GLIS3: variants seen among roughly 807,000 people sequenced by gnomAD.
GLIS3 encodes the protein zinc finger protein GLIS3.
Under a neutral mutation model 78.6 loss-of-function variants are expected in GLIS3, and 53 were observed. The ratio of observed to expected loss-of-function variants is 0.67; its 90% confidence interval spans 0.54 to 0.85. The LOEUF (loss-of-function observed/expected upper bound fraction) is 0.85. GLIS3 is among the 40% of genes least tolerant of loss of function. GLIS3 has a pLI of 0.00. For synonymous variants in GLIS3, 684 were observed against 509.9 expected (o/e 1.34, Z -4.60); for missense variants, 1,703 against 1,231.1 (o/e 1.38, Z -5.74).
intron 1 of GLIS3, among the ~76,000 whole-genome samples, chr9:4,290,042 A>ACT: frequency 6.6e-6 from 1 of 152,280 alleles, no homozygotes; most frequent in Admixed American, 6.5e-5. Context: ...AAGATTAAAC[A>ACT]AACGAAAAGC....
intron 4 of GLIS3, among the ~76,000 whole-genome samples, chr9:4,032,617 A>G (rs868745430): frequency 5.5e-4 from 83 of 152,202 alleles, no homozygotes; most frequent in Non-Finnish European, 8.8e-4. Flanking sequence ...CAACAAGGAA[A>G]ACATACGCAA....
intron 2 of GLIS3, among the ~76,000 whole-genome samples, chr9:4,206,665 T>C (rs1043978493): frequency 2.0e-5 from 3 of 152,222 alleles, no homozygotes; most frequent in Non-Finnish European, 4.4e-5. Flanking sequence ...TTCTCAGGTC[T>C]AATAAGGGGT....
intron 2 of GLIS3, among the ~76,000 whole-genome samples, chr9:4,275,308 C>G (rs1294170347): frequency 6.6e-6 from 1 of 152,104 alleles, no homozygotes; most frequent in African/African-American, 2.4e-5. Context: ...TGGATGGAAA[C>G]GACAGCTGAA....
At chr9:3,852,438 A>C (rs967575371) in intron 9 of GLIS3, among the ~76,000 whole-genome samples, 9 of 152,192 alleles carry the variant, frequency 5.9e-5, no homozygotes, top group African/African-American at 2.2e-4. Context: ...TTTAAAAATC[A>C]AGTTTTATTA....
chr9:4,402,498 C>T, the GLIS3 span, among the ~76,000 whole-genome samples: 3 of 152,106 alleles, frequency 2.0e-5, no homozygotes, highest in African/African-American at 4.8e-5. Context: ...AGGGAACAAT[C>T]CTGGAGAAAT....
the GLIS3 span, among the ~76,000 whole-genome samples, chr9:4,488,353 C>G: frequency 6.6e-6 from 1 of 152,030 alleles, no homozygotes; most frequent in Non-Finnish European, 1.5e-5. Context: ...TAACATGTGC[C>G]ATCCCATGCT....
intron 4 of GLIS3, among the ~76,000 whole-genome samples, chr9:4,017,921 G>C (rs1822571540): frequency 6.6e-6 from 1 of 152,160 alleles, no homozygotes; most frequent in African/African-American, 2.4e-5. Context: ...TGACCACGCT[G>C]ATTGAAACTA....
chr9:4,484,447 C>A, the GLIS3 span, among the ~76,000 whole-genome samples: 122 of 107,688 alleles, frequency 1.1e-3, no homozygotes, highest in African/African-American at 3.7e-3. Flanking sequence ...GAGACAGAGT[C>A]TTGCTCTGCT....
chr9:4,258,889 A>G (rs377351604), intron 2 of GLIS3, among the ~76,000 whole-genome samples: 2 of 152,172 alleles, frequency 1.3e-5, no homozygotes, highest in South Asian at 4.1e-4. Context: ...CATTCCTAAC[A>G]TGTGGCAATA....
chr9:4,241,778 G>C (rs980101641), intron 2 of GLIS3, among the ~76,000 whole-genome samples: 1 of 152,102 alleles, frequency 6.6e-6, no homozygotes, highest in Non-Finnish European at 1.5e-5. Flanking sequence ...TGCCTCCTGA[G>C]TTCAAGTGAT....
At chr9:4,169,820 G>C (rs1816217074) in intron 2 of GLIS3, among the ~76,000 whole-genome samples, 1 of 152,158 alleles carries the variant, frequency 6.6e-6, no homozygotes, top group African/African-American at 2.4e-5. Context: ...GGAGAATTCG[G>C]TACATTGTTC....
intron 4 of GLIS3, among the ~76,000 whole-genome samples, chr9:3,978,325 A>G (rs892439621): frequency 1.3e-5 from 2 of 152,134 alleles, no homozygotes; most frequent in Non-Finnish European, 2.9e-5. Flanking sequence ...AATAAACACT[A>G]TTAGTATATA....
chr9:4,340,346 C>T (rs1278112992), intron 2 of GLIS3, among the ~76,000 whole-genome samples: 3 of 124,316 alleles, frequency 2.4e-5, no homozygotes, highest in South Asian at 2.6e-4. Flanking sequence ...CTGATGTCAT[C>T]TGACTTTTGA....
chr9:3,961,704 A>T (rs967964467), intron 4 of GLIS3, among the ~76,000 whole-genome samples: 1 of 152,228 alleles, frequency 6.6e-6, no homozygotes, highest in African/African-American at 2.4e-5. Context: ...TCTACACACA[A>T]GTCTCTGCAC....
chr9:4,089,127 AG>A (rs1308773322), intron 4 of GLIS3, among the ~76,000 whole-genome samples: 7 of 152,216 alleles, frequency 4.6e-5, no homozygotes, highest in Non-Finnish European at 8.8e-5. Context: ...GATGTGGCCT[AG>A]TTTTTTATGT....
At chr9:3,905,042 G>A (rs1397529905) in intron 6 of GLIS3, among the ~76,000 whole-genome samples, 2 of 150,470 alleles carry the variant, frequency 1.3e-5, no homozygotes, top group African/African-American at 2.5e-5. Flanking sequence ...GCGCGATCTC[G>A]GCTCACTGCA....
At chr9:4,402,306 T>C in the GLIS3 span, among the ~76,000 whole-genome samples, 3 of 152,336 alleles carry the variant, frequency 2.0e-5, no homozygotes, top group East Asian at 5.8e-4. Context: ...TTACTGGGCT[T>C]GAGGCCCAAG....
intron 2 of GLIS3, among the ~76,000 whole-genome samples, chr9:4,176,152 G>A (rs1816796711): frequency 6.6e-6 from 1 of 151,990 alleles, no homozygotes; most frequent in South Asian, 2.1e-4. Flanking sequence ...AAATAACCCA[G>A]AATCAAGATC....
chr9:4,477,022 A>C, the GLIS3 span, among the ~76,000 whole-genome samples: 1 of 152,144 alleles, frequency 6.6e-6, no homozygotes, highest in African/African-American at 2.4e-5. Context: ...CAAAAAATTA[A>C]ATATAGAATT....
Sources: allele counts gnomAD v4.1 joint callset (sites outside exome capture counted in the v4.1 genomes callset), GRCh38; gene constraint gnomAD v4.1.1; transcripts MANE v1.5; gene names NCBI Gene and HGNC (gene_info 2026-07-23, HGNC 2026-07-21).